The following ERF variants were observed in gnomAD, a reference collection of about 807,000 sequenced individuals.
ERF encodes the protein ETS2 repressor factor.
ERF carries 10 observed loss-of-function variants against 41.6 expected under a neutral mutation model. That is an observed-to-expected ratio of 0.24 (90% CI 0.15 to 0.41). The LOEUF (loss-of-function observed/expected upper bound fraction) is 0.41. Among genes scored for constraint, ERF ranks in the 10% least tolerant of loss-of-function variants. The pLI is 1.00. For synonymous variants in ERF, 395 were observed against 342.4 expected (o/e 1.15, Z -1.70); for missense variants, 621 against 763.2 (o/e 0.81, Z 2.19).
intron 1 of ERF, among the ~76,000 whole-genome samples, chr19:42,253,687 C>T (rs1407791645): frequency 1.3e-5 from 2 of 152,052 alleles, no homozygotes; most frequent in Non-Finnish European, 2.9e-5. Flanking sequence ...AGGGCCCCTC[C>T]TCGGTCCGGG....
At position 42,248,560 on chromosome 19, in the gene ERF, G is replaced by T. The variant is rs774614782; in HGVS notation, c.1552C>A (p.Pro518Thr). The change falls in exon 4 of 4, where the codon CCT becomes ACT. Residue 518 changes from proline (P) to threonine (T), a missense_variant. Pro to Thr is a conservative substitution (Grantham distance 38, BLOSUM62 -1). Coordinates refer to ENST00000222329, the MANE Select transcript of ERF (RefSeq NM_006494.4). This position sits in a 1 kb window ranked among gnomAD's most constrained non-coding sequence, Gnocchi z 4.2. ...GEDKKVRGEG[P>T]GEAGGPLTPR... Reference sequence around the variant, plus strand: ...GTGAGGGGCCCCCCAGCCTCCCCAGGCCCCTCCCCACGCACCTTCTTGTCC... The same window carrying T: ...GTGAGGGGCCCCCCAGCCTCCCCAGTCCCCTCCCCACGCACCTTCTTGTCC... 1 of 1,565,986 alleles carries T rather than the reference G, an allele frequency of 6.4e-7. No homozygotes were observed. Among genetic ancestry groups the T allele is most frequent in the East Asian group, 2.3e-5 (1 of 44,402 alleles).
chr19:42,254,102 C>T (rs1404913772), intron 1 of ERF, among the ~76,000 whole-genome samples: 1 of 151,542 alleles, frequency 6.6e-6, no homozygotes, highest in East Asian at 2.0e-4. Flanking sequence ...ATCCCGCTGC[C>T]CCCCGCCCGC....
chr19:42,249,765 C>A lies in ERF; in HGVS notation c.374-27G>T. 6.2e-7 allele frequency: 1 copy of A among 1,612,868 alleles called. No homozygotes were observed. Among genetic ancestry groups the A allele is most frequent in the Non-Finnish European group, 8.5e-7 (1 of 1,179,102 alleles). On this transcript the variant is annotated intron_variant, in intron 3 of 3. Coordinates refer to ENST00000222329, the MANE Select transcript of ERF (RefSeq NM_006494.4). This position sits in a 1 kb window ranked among gnomAD's most constrained non-coding sequence, Gnocchi z 8.6. ...TGGCAGAAGGGAGACAGTGTCAAGG[C>A]CCCTGGCCTAGCCTGAAGGGGCATG...
At position 42,250,114 on chromosome 19, in the gene ERF, G is replaced by A. The variant is rs906306796; in HGVS notation, c.258-172C>T. 5.2e-6 allele frequency: 4 copies of A among 762,818 alleles called. No individual in the cohort carries two copies. Among genetic ancestry groups the A allele is most frequent in the African/African-American group, 1.7e-5 (1 of 57,700 alleles). The allele number at this position is 762,818 out of a possible 1,614,324, so 47.3% of individuals were successfully genotyped here. ...GTACCAGCTCTCTCCTCACATCTAAGGCAGGACTAGAGGATCCACTGGTGA... is the reference window on the plus strand; with the variant it reads ...GTACCAGCTCTCTCCTCACATCTAAAGCAGGACTAGAGGATCCACTGGTGA... On this transcript the variant is annotated intron_variant, in intron 2 of 3. Transcript: ENST00000222329. The surrounding 1 kb of genome is among the most constrained non-coding windows in gnomAD (Gnocchi z 5.1).
Position 42,248,386 on chromosome 19 carries a change from A to T in ERF, c.*79T>A, listed in dbSNP as rs1011226309. ...GGGAAGAGACAAGAGAGCTGCCCTC[A>T]CCTCCAGGGCATAGGGGGCTTAAGG... is the stretch of plus-strand genomic sequence containing the variant. On this transcript the variant is annotated 3_prime_UTR_variant, in exon 4 of 4. Coordinates refer to ENST00000222329, the MANE Select transcript of ERF (RefSeq NM_006494.4). The surrounding 1 kb of genome is among the most constrained non-coding windows in gnomAD (Gnocchi z 4.2). 9.7e-6 allele frequency: 12 copies of T among 1,237,964 alleles called. No individual in the cohort carries two copies. Among genetic ancestry groups the T allele is most frequent in the Middle Eastern group, 2.9e-4 (1 of 3,500 alleles). 76.7% of individuals were successfully genotyped at this position (1,237,964 alleles called of 1,614,324 possible).
Position 42,249,936 on chromosome 19 carries a change from G to A in ERF, c.264C>T (p.Tyr88=), listed in dbSNP as rs140522983. The change falls in exon 3 of 4, where the codon TAC becomes TAT. Residue 88 remains tyrosine, a synonymous_variant. Coordinates refer to ENST00000222329, the MANE Select transcript of ERF (RefSeq NM_006494.4). This position sits in a 1 kb window ranked among gnomAD's most constrained non-coding sequence, Gnocchi z 8.6. Reference sequence around the variant, plus strand: ...TCTTGTGCAGAATGCGCTTGTTATAGTAATAGCTGTGGGTACAGAAATGCC... The same window carrying A: ...TCTTGTGCAGAATGCGCTTGTTATAATAATAGCTGTGGGTACAGAAATGCC... ...YDKLSRALRY[Y]YNKRILHKTK... 76 of 1,614,056 alleles carry A rather than the reference G, an allele frequency of 4.7e-5. No individual in the cohort carries two copies. In the African/African-American group the frequency reaches 5.6e-4, roughly 12 times the overall value.
At chr19:42,253,811 G>GA in intron 1 of ERF, 1 of 929,146 alleles carries the variant, frequency 1.1e-6, no homozygotes. Context: ...TGGGGATGGG[G>GA]TGGGGTGGGT....
rs1354570172 is a variant in ERF, at chr19:42,249,237, C to A, written c.875G>T (p.Gly292Val). 6.2e-7 allele frequency: 1 copy of A among 1,613,124 alleles called. No homozygotes were observed. The highest frequency in any genetic ancestry group is 1.1e-5 in the South Asian group (1 of 91,030). ...GCCTCCCCCTGAGCCGCTGGGCCCC[C>A]CGCCACCACTGGGGTACATCGGGCT... Reference protein sequence around the residue: ...TLSPMYPSGGGGPSGSGGGSH... With the variant: ...TLSPMYPSGGVGPSGSGGGSH... Residue 292 changes from glycine (G) to valine (V), a missense_variant, in exon 4 of 4, where the codon GGG (glycine) becomes GTG (valine). By Grantham distance (109) the Gly-to-Val change is moderately radical. Transcript: ENST00000222329. This position sits in a 1 kb window ranked among gnomAD's most constrained non-coding sequence, Gnocchi z 8.6.
rs1195145964 is a variant in ERF at position 42,248,426 on chromosome 19, T to C, written c.*39A>G. 1 of 1,429,950 alleles carries C rather than the reference T, an allele frequency of 7.0e-7. No homozygotes were observed. The highest frequency in any genetic ancestry group is 9.2e-7 in the Non-Finnish European group (1 of 1,091,228). The allele number at this position is 1,429,950 out of a possible 1,614,324, so 88.6% of individuals were successfully genotyped here. A position where few individuals can be genotyped will look rare whatever the true frequency, so the allele number is the denominator to read the frequency against. On this transcript the variant is annotated 3_prime_UTR_variant, in exon 4 of 4. Transcript: ENST00000222329. This position sits in a 1 kb window ranked among gnomAD's most constrained non-coding sequence, Gnocchi z 4.2. ...GGGGCTTAAGGCAGCAAAAGAAGCA[T>C]GGGGGGTGCGGGGCACACAGGTCCC...
At position 42,250,896 on chromosome 19, in the gene ERF, G is replaced by A. The variant is rs1377866864; in HGVS notation, c.23-331C>T. On this transcript the variant is annotated intron_variant, in intron 1 of 3. Coordinates refer to ENST00000222329, the MANE Select transcript of ERF (RefSeq NM_006494.4). The surrounding 1 kb of genome is among the most constrained non-coding windows in gnomAD (Gnocchi z 5.1). ...CAGGGCTGCCAGTGGGGGAGGGGCAGGAAGGGGCACACGTGGCCAGCCGGG... is the reference window on the plus strand; with the variant it reads ...CAGGGCTGCCAGTGGGGGAGGGGCAAGAAGGGGCACACGTGGCCAGCCGGG... 6.6e-6 allele frequency among the ~76,000 whole-genome samples: 1 copy of A among 152,054 alleles called. No individual in the cohort carries two copies. Among genetic ancestry groups the A allele is most frequent in the African/African-American group, 2.4e-5 (1 of 41,392 alleles).
chr19:42,251,490 AAC>A, intron 1 of ERF: 1 of 493,752 alleles, frequency 2.0e-6, no homozygotes, highest in Non-Finnish European at 2.6e-6. Flanking sequence ...GTCATTTCCC[AAC>A]AACAGGGGCC....
chr19:42,250,304 G>C lies in ERF; in HGVS notation c.257+27C>G. 6.2e-7 allele frequency: 1 copy of C among 1,609,054 alleles called. No individual in the cohort carries two copies. The highest frequency in any genetic ancestry group is 8.5e-7 in the Non-Finnish European group (1 of 1,176,876). Reference sequence around the variant, plus strand: ...AACCCCGGGGGGGCACTCCACATGTGCTCAGGGGTCCCCAGCCCGTCCTCA... The same window carrying C: ...AACCCCGGGGGGGCACTCCACATGTCCTCAGGGGTCCCCAGCCCGTCCTCA... On this transcript the variant is annotated intron_variant, in intron 2 of 3. Coordinates refer to ENST00000222329, the MANE Select transcript of ERF (RefSeq NM_006494.4). This position sits in a 1 kb window ranked among gnomAD's most constrained non-coding sequence, Gnocchi z 5.1.
rs188705858 is a variant in ERF at position 42,251,942 on chromosome 19, A to T, written c.23-1377T>A. Reference sequence around the variant, plus strand: ...TTCAGATATATCCCAGCCTTCCACCAGCCCCTCAGGGTGCCAGGGATATGA... The same window carrying T: ...TTCAGATATATCCCAGCCTTCCACCTGCCCCTCAGGGTGCCAGGGATATGA... On this transcript the variant is annotated intron_variant, in intron 1 of 3. Coordinates refer to ENST00000222329, the MANE Select transcript of ERF (RefSeq NM_006494.4). Among the ~76,000 whole-genome samples the T allele has an allele frequency of 3.9e-5, 6 of 152,020 alleles. No homozygotes were observed. In the East Asian group the frequency reaches 1.2e-3, roughly 29 times the overall value.
intron 1 of ERF, among the ~76,000 whole-genome samples, chr19:42,252,470 AAGAGAGGGAGTG>A (rs1437628806): frequency 6.6e-6 from 1 of 151,766 alleles, no homozygotes; most frequent in Non-Finnish European, 1.5e-5. Flanking sequence ...AACTTTGCAG[AAGAGAGGGAGTG>A]AGAGAGACTA....
In ERF at chr19:42,255,087, C is replaced by G. The variant is rs1330215059; in HGVS notation, c.-88G>C. ...CCGTCCCGTCCCGCGCCCGTCGGGC[C>G]GCCCTCGCCGCCTCACCCGGCCTCG... On this transcript the variant is annotated 5_prime_UTR_variant, in exon 1 of 4. Transcript: ENST00000222329. 26 of 1,151,374 alleles carry G rather than the reference C, an allele frequency of 2.3e-5. No individual in the cohort carries two copies. The highest frequency in any genetic ancestry group is 2.8e-5 in the Non-Finnish European group (25 of 905,140). 71.3% of individuals were successfully genotyped at this position (1,151,374 alleles called of 1,614,324 possible).
Position 42,248,366 on chromosome 19 carries a change from G to T in ERF, c.*99C>A. 9.3e-7 allele frequency: 1 copy of T among 1,070,582 alleles called. No individual in the cohort carries two copies. The highest frequency in any genetic ancestry group is 1.2e-6 in the Non-Finnish European group (1 of 809,392). The allele number at this position is 1,070,582 out of a possible 1,614,324, so 66.3% of individuals were successfully genotyped here. A position where few individuals can be genotyped will look rare whatever the true frequency, so the allele number is the denominator to read the frequency against. ...GAGGGAAAAGGGAGGAGGCAGGGAAGAGACAAGAGAGCTGCCCTCACCTCC... is the reference window on the plus strand; with the variant it reads ...GAGGGAAAAGGGAGGAGGCAGGGAATAGACAAGAGAGCTGCCCTCACCTCC... On this transcript the variant is annotated 3_prime_UTR_variant, in exon 4 of 4. Coordinates refer to ENST00000222329, the MANE Select transcript of ERF (RefSeq NM_006494.4). This position sits in a 1 kb window ranked among gnomAD's most constrained non-coding sequence, Gnocchi z 4.2.
At chr19:42,252,827 T>C (rs914826328) in intron 1 of ERF, among the ~76,000 whole-genome samples, 5 of 151,772 alleles carry the variant, frequency 3.3e-5, no homozygotes, top group African/African-American at 1.2e-4. Flanking sequence ...AAGGGGAGCA[T>C]GTGTGAGTGT....
chr19:42,253,454 C>G (rs750429442), intron 1 of ERF, among the ~76,000 whole-genome samples: 12 of 152,152 alleles, frequency 7.9e-5, no homozygotes, highest in South Asian at 2.1e-4. Context: ...GTCCCGCCCC[C>G]CGACAGGGTT....
rs1389668352 is a variant in ERF, at chr19:42,255,042, C to T, written c.-43G>A. On this transcript the variant is annotated 5_prime_UTR_variant, in exon 1 of 4. Transcript: ENST00000222329. ...GAAGCGCCCCGATTCCGGGCCGCGG[C>T]TCCCGGCGCCCTCGCTGCCCCGTCC... The T allele has an allele frequency of 7.4e-7, 1 of 1,359,570 alleles. No homozygotes were observed. The highest frequency in any genetic ancestry group is 1.5e-5 in the African/African-American group (1 of 65,714). The allele number at this position is 1,359,570 out of a possible 1,614,324, so 84.2% of individuals were successfully genotyped here.
Sources: allele counts gnomAD v4.1 joint callset (sites outside exome capture counted in the v4.1 genomes callset), GRCh38; gene constraint gnomAD v4.1.1; non-coding constraint Gnocchi (gnomAD v3.1); transcripts MANE v1.5; gene names NCBI Gene and HGNC (gene_info 2026-07-23, HGNC 2026-07-21).